Variants in TMEM183A observed in about 807,000 individuals in gnomAD.
TMEM183A encodes the protein chromosome 1 open reading frame 37.
In TMEM183A, 21 loss-of-function variants were observed where a neutral mutation model predicts 46.7. That is an observed-to-expected ratio of 0.45 (90% CI 0.32 to 0.65). TMEM183A has a LOEUF of 0.65. Among genes scored for constraint, TMEM183A ranks in the 30% least tolerant of loss-of-function variants. The pLI, the probability that TMEM183A is intolerant of heterozygous loss-of-function variation, is 0.04. For missense variants in TMEM183A, 331 were observed against 481.9 expected (o/e 0.69, Z 2.93); for synonymous variants, 165 against 180.2 (o/e 0.92, Z 0.68).
At chr1:203,022,827 G>T (rs1384519076) in intron 7 of TMEM183A, 28 bp from the exon 8 acceptor site, 1 of 1,613,630 alleles carries the variant, frequency 6.2e-7, no homozygotes, top group Admixed American at 1.7e-5. Flanking sequence ...TGTGTAAGTT[G>T]GATACTGAAT....
At chr1:203,017,123 A>C (rs1657239503) in intron 5 of TMEM183A, among the ~76,000 whole-genome samples, 1 of 152,150 alleles carries the variant, frequency 6.6e-6, no homozygotes, top group South Asian at 2.1e-4. Flanking sequence ...CTGTTGGCTG[A>C]GCTCAATTTA....
chr1:203,007,445 GC>G lies in TMEM183A; in HGVS notation c.-19del, dbSNP rs1656040933. The G allele has an allele frequency of 1.4e-6, 2 of 1,412,346 alleles. No homozygotes were observed. The highest frequency in any genetic ancestry group is 1.8e-6 in the Non-Finnish European group (2 of 1,081,222). The allele number at this position is 1,412,346 out of a possible 1,614,324, so 87.5% of individuals were successfully genotyped here. A position where few individuals can be genotyped will look rare whatever the true frequency, so the allele number is the denominator to read the frequency against. On this transcript the variant is annotated 5_prime_UTR_variant, in exon 1 of 8. Coordinates refer to ENST00000367242, the MANE Select transcript of TMEM183A (RefSeq NM_138391.6). The stretch of plus-strand genomic sequence containing the variant: ...GCGGAGCTGGCTTGCGGCTCCCGGG[GC>G]CGGCTCTCCGGCCGGAGACATGGCC...
intron 7 of TMEM183A, 87 bp from the exon 8 acceptor site, chr1:203,022,768 A>T: frequency 6.4e-7 from 1 of 1,573,346 alleles, no homozygotes; most frequent in Non-Finnish European, 8.7e-7. Context: ...AGCCAGTATA[A>T]ATTAGTCTGG....
chr1:203,014,999 G>A lies in TMEM183A; in HGVS notation c.478G>A (p.Ala160Thr). The A allele has an allele frequency of 1.2e-6, 2 of 1,613,668 alleles. No individual in the cohort carries two copies. Among genetic ancestry groups the A allele is most frequent in the Non-Finnish European group, 8.5e-7 (1 of 1,179,928 alleles). The change falls in exon 4 of 8, where the codon GCC (alanine) becomes ACC (threonine). Residue 160 changes from alanine to threonine, a missense_variant. Physicochemically the swap from Ala to Thr is moderately conservative, Grantham distance 58 (BLOSUM62 0). Transcript: ENST00000367242. ...GAATTTTTCCCTGATTTGTAAGAAT[G>A]CCTGGACTGTCACTTGCACTGCTGC... ...IVNFSLICKN[A>T]WTVTCTAAFW...
rs557022565 is a variant in TMEM183A, at chr1:203,012,389, A to G, written c.368-2500A>G. On this transcript the variant is annotated intron_variant, in intron 3 of 7. Coordinates refer to ENST00000367242, the MANE Select transcript of TMEM183A (RefSeq NM_138391.6). Reference sequence around the variant, plus strand: ...TAAAAGACTTTAACAGTAATTTCTCAATGTTATTAAAATCTTGTTAGACTT... The same window carrying G: ...TAAAAGACTTTAACAGTAATTTCTCGATGTTATTAAAATCTTGTTAGACTT... Among the ~76,000 whole-genome samples the G allele has an allele frequency of 1.7e-4, 26 of 152,262 alleles. 1 individual carries two copies. In the South Asian group the frequency reaches 4.3e-3, roughly 25 times the overall value.
At chr1:203,022,208 G>A (rs1263893903) in intron 7 of TMEM183A, among the ~76,000 whole-genome samples, 1 of 151,978 alleles carries the variant, frequency 6.6e-6, no homozygotes, top group African/African-American at 2.4e-5. Context: ...AGCTATCTGG[G>A]ATTACAGGTG....
At chr1:203,012,195 G>C (rs1571606656) in intron 3 of TMEM183A, among the ~76,000 whole-genome samples, 1 of 42,128 alleles carries the variant, frequency 2.4e-5, no homozygotes. Context: ...CGGTTATTTT[G>C]AAACGGCCAT....
chr1:203,011,958 T>C (rs1373128191), intron 3 of TMEM183A, among the ~76,000 whole-genome samples: 1 of 151,936 alleles, frequency 6.6e-6, no homozygotes, highest in Non-Finnish European at 1.5e-5. Flanking sequence ...AAAGCCTTTT[T>C]TTTAATGAAA....
At chr1:203,009,068 T>C (rs1011775823) in intron 3 of TMEM183A, among the ~76,000 whole-genome samples, 1 of 152,196 alleles carries the variant, frequency 6.6e-6, no homozygotes, top group Non-Finnish European at 1.5e-5. Context: ...TGGACTCTAG[T>C]AGCCCTTCAT....
intron 3 of TMEM183A, among the ~76,000 whole-genome samples, chr1:203,014,342 CCAGTAATCCCAG>C (rs1656962678): frequency 6.6e-6 from 1 of 152,204 alleles, no homozygotes; most frequent in Non-Finnish European, 1.5e-5. Flanking sequence ...GTGGCTCACG[CCAGTAATCCCAG>C]CACTTTGGGA....
intron 3 of TMEM183A, among the ~76,000 whole-genome samples, chr1:203,009,861 C>T (rs1343866761): frequency 6.6e-6 from 1 of 152,142 alleles, no homozygotes; most frequent in African/African-American, 2.4e-5. Flanking sequence ...TGAGGCCAGG[C>T]ATGGTGGCTC....
Position 203,023,235 on chromosome 1 carries a change from A to G in TMEM183A, c.*195A>G. 1 of 595,478 alleles carries G rather than the reference A, an allele frequency of 1.7e-6. No individual in the cohort carries two copies. The highest frequency in any genetic ancestry group is 2.6e-6 in the Non-Finnish European group (1 of 386,570). 36.9% of individuals were successfully genotyped at this position (595,478 alleles called of 1,614,324 possible). Reference sequence around the variant, plus strand: ...CTACTATGATTTATAAACATATTTTAATGTAAAAATTTGCATTTAAAAGGA... The same window carrying G: ...CTACTATGATTTATAAACATATTTTGATGTAAAAATTTGCATTTAAAAGGA... On this transcript the variant is annotated 3_prime_UTR_variant, in exon 8 of 8. Coordinates refer to ENST00000367242, the MANE Select transcript of TMEM183A (RefSeq NM_138391.6).
At chr1:203,009,393 A>T (rs892990117) in intron 3 of TMEM183A, among the ~76,000 whole-genome samples, 3 of 152,242 alleles carry the variant, frequency 2.0e-5, no homozygotes, top group Non-Finnish European at 4.4e-5. Flanking sequence ...TAAACTGATG[A>T]TAATATAACG....
At chr1:203,022,143 C>T (rs1031043343) in intron 7 of TMEM183A, among the ~76,000 whole-genome samples, 2 of 151,968 alleles carry the variant, frequency 1.3e-5, no homozygotes, top group Non-Finnish European at 2.9e-5. Flanking sequence ...GTCTCGGCTC[C>T]CTGCAACCTC....
rs750197953 is a variant in TMEM183A at position 203,014,849 on chromosome 1, T to G, written c.368-40T>G. ...TGAAATTATCGAGTATCTTTAGATA[T>G]GGTGTAGAAGATCAGAGATTATTCT... On this transcript the variant is annotated intron_variant, in intron 3 of 7. Transcript: ENST00000367242. The G allele has an allele frequency of 2.5e-6, 4 of 1,605,434 alleles. No individual in the cohort carries two copies. The African/African-American group carries it at 5.4e-5, about 22-fold the overall frequency.
At position 203,015,013 on chromosome 1, in the gene TMEM183A, T is replaced by G. The variant is rs1163335478; in HGVS notation, c.492T>G (p.Thr164=). 3 of 1,613,442 alleles carry G rather than the reference T, an allele frequency of 1.9e-6. No individual in the cohort carries two copies. The highest frequency in any genetic ancestry group is 1.7e-5 in the Admixed American group (1 of 59,998). ...TTTGTAAGAATGCCTGGACTGTCAC[T>G]TGCACTGCTGCCTTTTGGACCAGGT... ...SLICKNAWTV[T]CTAAFWTRLY... Residue 164 remains threonine (T), a synonymous_variant, in exon 4 of 8, where the codon ACT becomes ACG. Transcript: ENST00000367242.
chr1:203,013,436 T>A lies in TMEM183A; in HGVS notation c.368-1453T>A, dbSNP rs1213982646. 6.6e-6 allele frequency among the ~76,000 whole-genome samples: 1 copy of A among 152,116 alleles called. No individual in the cohort carries two copies. Among genetic ancestry groups the A allele is most frequent in the Non-Finnish European group, 1.5e-5 (1 of 68,024 alleles). On this transcript the variant is annotated intron_variant, in intron 3 of 7. Coordinates refer to ENST00000367242, the MANE Select transcript of TMEM183A (RefSeq NM_138391.6). This position sits in a 1 kb window ranked among gnomAD's most constrained non-coding sequence, Gnocchi z 4.0. ...CTGAACCTGAGAAGTATAGTGGACATCAAGGTCAAGAGAATTAATGCTAAT... is the reference window on the plus strand; with the variant it reads ...CTGAACCTGAGAAGTATAGTGGACAACAAGGTCAAGAGAATTAATGCTAAT...
chr1:203,022,782 A>G (rs919061117), intron 7 of TMEM183A, 73 bp from the exon 8 acceptor site: 85 of 1,598,122 alleles, frequency 5.3e-5, no homozygotes, highest in Non-Finnish European at 6.1e-5. Flanking sequence ...AGTCTGGACT[A>G]TTTCATTTCA....
rs751184979 is a variant in TMEM183A at position 203,007,374 on chromosome 1, C to A, written c.-92C>A. The A allele has an allele frequency of 9.3e-5, 117 of 1,255,930 alleles. No homozygotes were observed. Among genetic ancestry groups the A allele is most frequent in the Non-Finnish European group, 1.2e-4 (114 of 979,312 alleles). The allele number at this position is 1,255,930 out of a possible 1,614,324, so 77.8% of individuals were successfully genotyped here. Reference sequence around the variant, plus strand: ...GCGACTCGGAACCCGGACCTATGTTCTCGCGAGAGTTAGCGGCCTCCGGTG... The same window carrying A: ...GCGACTCGGAACCCGGACCTATGTTATCGCGAGAGTTAGCGGCCTCCGGTG... On this transcript the variant is annotated 5_prime_UTR_variant, in exon 1 of 8. Coordinates refer to ENST00000367242, the MANE Select transcript of TMEM183A (RefSeq NM_138391.6).
Sources: allele counts gnomAD v4.1 joint callset (sites outside exome capture counted in the v4.1 genomes callset), GRCh38; gene constraint gnomAD v4.1.1; non-coding constraint Gnocchi (gnomAD v3.1); transcripts MANE v1.5; gene names NCBI Gene and HGNC (gene_info 2026-07-23, HGNC 2026-07-21).